Variants in PBRM1 observed in about 807,000 individuals in gnomAD.
PBRM1 encodes protein polybromo-1.
In PBRM1, 27 loss-of-function variants were observed where a neutral mutation model predicts 194.5. That is an observed-to-expected ratio of 0.14 (90% CI 0.10 to 0.19). The LOEUF (loss-of-function observed/expected upper bound fraction) is 0.19. Ranked by LOEUF, PBRM1 falls within the 10% of genes least tolerant of loss-of-function variation. PBRM1 has a pLI of 1.00. For synonymous variants in PBRM1, 655 were observed against 693.2 expected (o/e 0.94, Z 0.87); for missense variants, 1,466 against 2,077.2 (o/e 0.71, Z 5.72).
In PBRM1 at chr3:52,642,048, AC is replaced by A. The variant is rs371540287; in HGVS notation, c.996-4del. The A allele has an allele frequency of 0.049, 57,411 of 1,168,126 alleles. 120 individuals are homozygous for A. Among genetic ancestry groups the A allele is most frequent in the East Asian group, 0.09 (2,933 of 32,574 alleles). The allele number at this position is 1,168,126 out of a possible 1,614,324, so 72.4% of individuals were successfully genotyped here. On this transcript the variant is annotated splice_polypyrimidine_tract_variant and splice_region_variant and intron_variant, in intron 9 of 29. Coordinates refer to ENST00000296302, the Ensembl canonical transcript of PBRM1. Reference sequence around the variant, plus strand: ...CTCCTTGTACTGCTCTTTTATTACTACAAAAAAAAAAAAAGCAATTAGACAG... The same window carrying A: ...CTCCTTGTACTGCTCTTTTATTACTAAAAAAAAAAAAAAGCAATTAGACAG...
chr3:52,609,634 G>C lies in PBRM1; in HGVS notation c.2246C>G (p.Ala749Gly), dbSNP rs1376146321. The C allele has an allele frequency of 1.2e-6, 2 of 1,612,958 alleles. No individual in the cohort carries two copies. Among genetic ancestry groups the C allele is most frequent in the African/African-American group, 1.3e-5 (1 of 74,916 alleles). ...AAGCAGGACTTTGTGTAGAACAAGA[G>C]CATCTTTGTAGATCAAAGACTCCGG... The change falls in exon 16 of 30, where the codon GCT becomes GGT. Residue 749 changes from alanine to glycine, a missense_variant. Ala to Gly is a moderately conservative substitution (Grantham distance 60, BLOSUM62 0). Transcript: ENST00000296302. The surrounding 1 kb of genome is among the most constrained non-coding windows in gnomAD (Gnocchi z 4.1).
chr3:52,619,050 T>A lies in PBRM1; in HGVS notation c.1542-1512A>T, dbSNP rs1241249450. Among the ~76,000 whole-genome samples the A allele has an allele frequency of 2.0e-5, 3 of 152,136 alleles. No homozygotes were observed. In the East Asian group the frequency reaches 5.8e-4, roughly 29 times the overall value. On this transcript the variant is annotated intron_variant, in intron 13 of 29. Coordinates refer to ENST00000296302, the Ensembl canonical transcript of PBRM1. ...AGACTTGAGCCATCGGGCTCGGCTG[T>A]GCCCGGCTAATTTTTGTATTTTTAG...
At chr3:52,590,779 A>G (rs2092950880) in intron 17 of PBRM1, among the ~76,000 whole-genome samples, 1 of 152,130 alleles carries the variant, frequency 6.6e-6, no homozygotes, top group South Asian at 2.1e-4. Context: ...ATTTTAAAAT[A>G]GTTTTTCTAG....
At chr3:52,603,976 G>C (rs1183992681) in intron 16 of PBRM1, among the ~76,000 whole-genome samples, 1 of 152,068 alleles carries the variant, frequency 6.6e-6, no homozygotes, top group South Asian at 2.1e-4. Flanking sequence ...CATGAAAAAC[G>C]AAAGGCCTCA....
intron 13 of PBRM1, chr3:52,624,903 AG>A: frequency 6.5e-7 from 1 of 1,543,686 alleles, no homozygotes; most frequent in Non-Finnish European, 8.8e-7. Flanking sequence ...ACACCTGGAT[AG>A]CCTCCTGAGA....
chr3:52,586,714 T>TA (rs750812573), intron 19 of PBRM1, 26 bp from the exon 22 acceptor site: 5 of 675,256 alleles, frequency 7.4e-6, no homozygotes, highest in Non-Finnish European at 9.7e-6. Flanking sequence ...GGCATAAGAA[T>TA]AAAACTAGTT....
chr3:52,649,395 A>T (rs2096425729), intron 6 of PBRM1, among the ~76,000 whole-genome samples: 1 of 152,140 alleles, frequency 6.6e-6, no homozygotes, highest in Non-Finnish European at 1.5e-5. Flanking sequence ...CCAGGAATTC[A>T]TTCCTGACTC....
At chr3:52,547,988 C>T, downstream of PBRM1, 3 of 1,287,036 alleles carry the variant, frequency 2.3e-6, no homozygotes, top group Non-Finnish European at 3.3e-6. Context: ...TTCCTTCCCC[C>T]CACCCCCAGT....
chr3:52,595,023 G>A (rs1296189342), intron 17 of PBRM1, among the ~76,000 whole-genome samples: 3 of 152,112 alleles, frequency 2.0e-5, no homozygotes, highest in Non-Finnish European at 4.4e-5. Context: ...GTGATTGTGT[G>A]TCTTGGAGAT....
At chr3:52,682,318 T>C (rs986830701), upstream of PBRM1, 4 of 150,918 alleles carry the variant, frequency 2.7e-5, no homozygotes, top group African/African-American at 7.3e-5. Flanking sequence ...AGAAAGAACA[T>C]TTATTTCCAA....
intron 22 of PBRM1, among the ~76,000 whole-genome samples, chr3:52,567,076 A>G (rs1441967753): frequency 6.6e-6 from 1 of 152,026 alleles, no homozygotes; most frequent in African/African-American, 2.4e-5. Context: ...TCAAAAAAAA[A>G]AAAAAAAAAG....
At chr3:52,605,585 G>C (rs1251518208) in intron 16 of PBRM1, among the ~76,000 whole-genome samples, 1 of 151,176 alleles carries the variant, frequency 6.6e-6, no homozygotes, top group Non-Finnish European at 1.5e-5. Flanking sequence ...AATCTAAATG[G>C]GTGTTTCCGG....
intron 2 of PBRM1, among the ~76,000 whole-genome samples, chr3:52,675,467 T>C (rs922111212): frequency 5.9e-5 from 9 of 152,172 alleles, no homozygotes; most frequent in African/African-American, 2.2e-4. Flanking sequence ...CTCAATAAAA[T>C]ATTAGCAAAC....
intron 18 of PBRM1, 60 bp from the exon 21 acceptor site, chr3:52,587,570 C>CA: frequency 1.5e-5 from 11 of 731,646 alleles, no homozygotes; most frequent in Non-Finnish European, 2.2e-5. Flanking sequence ...ACAGAAATCA[C>CA]TTTTTTTTTT....
chr3:52,624,878 A>AT lies in PBRM1; in HGVS notation c.1541+2394dup. On this transcript the variant is annotated intron_variant, in intron 13 of 29. Coordinates refer to ENST00000296302, the Ensembl canonical transcript of PBRM1. Reference sequence around the variant, plus strand: ...ATACACTTTAAAAGAATGTTTATGCATAAAAAAGGACTGCACACCTGGATA... The same window carrying AT: ...ATACACTTTAAAAGAATGTTTATGCATTAAAAAAGGACTGCACACCTGGATA... The AT allele has an allele frequency of 1.3e-6, 2 of 1,489,278 alleles. No homozygotes were observed. Among genetic ancestry groups the AT allele is most frequent in the East Asian group, 2.5e-5 (1 of 40,622 alleles). The allele number at this position is 1,489,278 out of a possible 1,614,324, so 92.3% of individuals were successfully genotyped here.
downstream of PBRM1, chr3:52,545,432 A>C (rs1439608550): frequency 8.6e-6 from 2 of 232,098 alleles, no homozygotes; most frequent in African/African-American, 4.4e-5. Flanking sequence ...AAAAAGATAC[A>C]TACATGTTAT....
intron 27 of PBRM1, among the ~76,000 whole-genome samples, chr3:52,551,023 C>A (rs2080856942): frequency 6.6e-6 from 1 of 152,212 alleles, no homozygotes; most frequent in African/African-American, 2.4e-5. Flanking sequence ...AATACTAGAA[C>A]AATCTGTCAG....
At chr3:52,601,696 C>G (rs2094004932) in intron 17 of PBRM1, among the ~76,000 whole-genome samples, 1 of 152,082 alleles carries the variant, frequency 6.6e-6, no homozygotes, top group South Asian at 2.1e-4. Context: ...TATACTGGCA[C>G]TGGTGTTAGC....
At chr3:52,673,450 C>T (rs999802499) in intron 2 of PBRM1, among the ~76,000 whole-genome samples, 19 of 150,034 alleles carry the variant, frequency 1.3e-4, no homozygotes, top group African/African-American at 4.4e-4. Context: ...GGGTGGATCA[C>T]CTGAGGTCAG....
Sources: allele counts gnomAD v4.1 joint callset (sites outside exome capture counted in the v4.1 genomes callset), GRCh38; gene constraint gnomAD v4.1.1; non-coding constraint Gnocchi (gnomAD v3.1); transcripts MANE v1.5; gene names NCBI Gene and HGNC (gene_info 2026-07-23, HGNC 2026-07-21).